The following PLCB3 variants were observed in gnomAD, a reference collection of about 807,000 sequenced individuals.
The protein encoded by PLCB3 is 1-phosphatidylinositol 4,5-bisphosphate phosphodiesterase beta-3.
A neutral mutation model predicts 152.1 loss-of-function variants in PLCB3; 54 were observed. The ratio of observed to expected loss-of-function variants is 0.36; its 90% CI spans 0.29 to 0.45. The LOEUF (loss-of-function observed/expected upper bound fraction) is 0.45. Ranked by LOEUF, PLCB3 falls within the 20% of genes least tolerant of loss-of-function variation. The probability of loss-of-function intolerance (pLI) is 1.00; values close to 1 mark genes in which losing one functional copy is unlikely to be tolerated. For synonymous variants in PLCB3, 717 were observed against 698.7 expected, an observed-to-expected ratio of 1.03 and a Z score of -0.41; for missense variants, 1,248 against 1,687.5, an observed-to-expected ratio of 0.74 and a Z score of 4.56.
chr11:64,262,750 C>A lies in PLCB3; in HGVS notation c.2297C>A (p.Thr766Asn). The change falls in exon 19 of 31, where the codon ACC becomes AAC. Residue 766 changes from threonine (T) to asparagine (N), a missense_variant. By Grantham distance (65) the Thr-to-Asn change is moderately conservative. Transcript: ENST00000279230. ...VDTRRKYRTR[T>N]SQGNSFNPVW... The stretch of plus-strand genomic sequence containing the variant: ...ACGCGGCGCAAGTACCGCACCCGGA[C>A]CTCTCAGGGGAACTCGTTCAACCCC... 6.2e-7 allele frequency: 1 copy of A among 1,613,884 alleles called. No homozygotes were observed. The highest frequency in any genetic ancestry group is 1.1e-5 in the South Asian group (1 of 91,084).
At chr11:64,261,864 G>C in intron 16 of PLCB3, 88 bp from the exon 17 acceptor site, 7 of 1,565,146 alleles carry the variant, frequency 4.5e-6, no homozygotes, top group South Asian at 1.1e-5. Flanking sequence ...CCGGGTGTGG[G>C]GGTCACAGGA....
At chr11:64,252,276 T>TC (rs1228162460) in intron 1 of PLCB3, among the ~76,000 whole-genome samples, 1 of 152,030 alleles carries the variant, frequency 6.6e-6, no homozygotes, top group East Asian at 1.9e-4. Flanking sequence ...CCAGCCCAGC[T>TC]CCCTGTTCAG....
At chr11:64,254,264 C>A in intron 1 of PLCB3, 151 bp from the exon 2 acceptor site, 2 of 693,392 alleles carry the variant, frequency 2.9e-6, no homozygotes, top group East Asian at 5.0e-5. Flanking sequence ...TTCTGAGGGC[C>A]ACAGGCAGCC....
In PLCB3 at chr11:64,260,160, G is replaced by A. The variant is rs1565334043; in HGVS notation, c.1657G>A (p.Ala553Thr). The change falls in exon 14 of 31, where the codon GCT becomes ACT. Residue 553 changes from alanine (A) to threonine (T), a missense_variant. By Grantham distance (58) the Ala-to-Thr change is moderately conservative. Around this residue, in one of 6 missense-constraint regions of PLCB3, gnomAD observed 105 missense variants for 100.9 expected, o/e 1.04. Transcript: ENST00000279230. ...CCGAGGCCCCTATGTTCTTGGACCT[G>A]CTGACCGTGAGGATGAGGAGGAAGA... ...LNRGPYVLGPADREDEEEDEE... is the reference protein window; with the variant it reads ...LNRGPYVLGPTDREDEEEDEE... 1.2e-6 allele frequency: 2 copies of A among 1,609,018 alleles called. No individual in the cohort carries two copies. Among genetic ancestry groups the A allele is most frequent in the Non-Finnish European group, 1.7e-6 (2 of 1,177,938 alleles).
rs201842672 is a variant in PLCB3, at chr11:64,260,095, G to T, written c.1592G>T (p.Ser531Ile). ...NGEEVGLEKP[S>I]LEPQKSLGDE... is the part of the protein sequence containing the mutation. ...GAGGAGGTAGGGCTTGAGAAGCCCA[G>T]CCTGGAGCCTCAGAAGTCTCTGGGT... The change falls in exon 14 of 31, where the codon AGC becomes ATC. Residue 531 changes from serine to isoleucine, a missense_variant. Ser to Ile is a moderately radical substitution (Grantham distance 142). Transcript: ENST00000279230. 5.8e-5 allele frequency: 93 copies of T among 1,612,164 alleles called. No individual in the cohort carries two copies. The highest frequency in any genetic ancestry group is 7.1e-5 in the Non-Finnish European group (84 of 1,179,432).
Position 64,258,817 on chromosome 11 carries a change from A to C in PLCB3, c.1254-68A>C. The C allele has an allele frequency of 6.2e-7, 1 of 1,606,288 alleles. No homozygotes were observed. The highest frequency in any genetic ancestry group is 1.1e-5 in the South Asian group (1 of 90,958). Reference sequence around the variant, plus strand: ...CCTCCAACCCTGCGAACGGCCACTGACATGTCCCGTAGACCTCAGCTTCCT... The same window carrying C: ...CCTCCAACCCTGCGAACGGCCACTGCCATGTCCCGTAGACCTCAGCTTCCT... On this transcript the variant is annotated intron_variant, in intron 11 of 30. Transcript: ENST00000279230. This position sits in a 1 kb window ranked among gnomAD's most constrained non-coding sequence, Gnocchi z 7.2.
rs1049285701 is a variant in PLCB3, at chr11:64,262,718, T to C, written c.2265T>C (p.Pro755=). The change falls in exon 19 of 31, where the codon CCT becomes CCC. Residue 755 remains proline (P), a synonymous_variant. Coordinates refer to ENST00000279230, the MANE Select transcript of PLCB3 (RefSeq NM_000932.5). Reference sequence around the variant, plus strand: ...TGGAGGTGGACATGTTTGGCCTCCCTGTTGATACGCGGCGCAAGTACCGCA... The same window carrying C: ...TGGAGGTGGACATGTTTGGCCTCCCCGTTGATACGCGGCGCAAGTACCGCA... ...IYVEVDMFGL[P]VDTRRKYRTR... The C allele has an allele frequency of 1.2e-5, 20 of 1,613,782 alleles. No individual in the cohort carries two copies. Among genetic ancestry groups the C allele is most frequent in the Non-Finnish European group, 1.7e-5 (20 of 1,180,004 alleles).
At chr11:64,269,370 G>A (rs1406073555), downstream of PLCB3, among the ~76,000 whole-genome samples, 1 of 152,222 alleles carries the variant, frequency 6.6e-6, no homozygotes, top group East Asian at 1.9e-4. Flanking sequence ...CGGGTTATAG[G>A]GGGCGCCAAT....
At position 64,256,476 on chromosome 11, in the gene PLCB3, C is replaced by G; in HGVS notation, c.799C>G (p.Leu267Val). The G allele has an allele frequency of 6.2e-7, 1 of 1,613,920 alleles. No homozygotes were observed. The highest frequency in any genetic ancestry group is 8.5e-7 in the Non-Finnish European group (1 of 1,180,028). ...ACTCAACGAAGTGCTGTACCCGCCC[C>G]TGCGGCCCTCCCAGGCCCGGCTGCT... ...PRLNEVLYPPLRPSQARLLIE... is the reference protein window; with the variant it reads ...PRLNEVLYPPVRPSQARLLIE... Residue 267 changes from leucine (L) to valine (V), a missense_variant, in exon 9 of 31, where the codon CTG (leucine) becomes GTG (valine). Physicochemically the swap from Leu to Val is conservative, Grantham distance 32. Transcript: ENST00000279230.
At chr11:64,256,304 A>T in intron 8 of PLCB3, 72 bp from the exon 9 acceptor site, 8 of 1,425,068 alleles carry the variant, frequency 5.6e-6, no homozygotes, top group Non-Finnish European at 7.7e-6. Context: ...TCCCTTGCCC[A>T]GGGCAAGGGC....
Position 64,267,121 on chromosome 11 carries a change from A to C in PLCB3, c.3415-64A>C. The C allele has an allele frequency of 6.9e-7, 1 of 1,448,970 alleles. No homozygotes were observed. The highest frequency in any genetic ancestry group is 1.2e-5 in the South Asian group (1 of 81,936). 89.8% of individuals were successfully genotyped at this position (1,448,970 alleles called of 1,614,324 possible). On this transcript the variant is annotated intron_variant, in intron 29 of 30. Coordinates refer to ENST00000279230, the MANE Select transcript of PLCB3 (RefSeq NM_000932.5). This position sits in a 1 kb window ranked among gnomAD's most constrained non-coding sequence, Gnocchi z 5.2. ...GCCCACCTGACTTCTATACCCAGCC[A>C]GAGCCTCGAGGCTCTAGCCCCTCCC...
In PLCB3 at chr11:64,267,889, A is replaced by AT. The variant is rs985491412; in HGVS notation, c.*341dup. 7.3e-5 allele frequency: 22 copies of AT among 303,344 alleles called. No homozygotes were observed. The highest frequency in any genetic ancestry group is 9.2e-5 in the Non-Finnish European group (15 of 163,800). 18.8% of individuals were successfully genotyped at this position (303,344 alleles called of 1,614,324 possible). On this transcript the variant is annotated 3_prime_UTR_variant, in exon 31 of 31. Transcript: ENST00000279230. The surrounding 1 kb of genome is among the most constrained non-coding windows in gnomAD (Gnocchi z 5.2). Reference sequence around the variant, plus strand: ...ACATTTTTTTCTCTATTCTTTGGGGATTTTTTTTACATGAATAAAAGTGGA... The same window carrying AT: ...ACATTTTTTTCTCTATTCTTTGGGGATTTTTTTTTACATGAATAAAAGTGGA...
chr11:64,269,346 A>C (rs1461133227), downstream of PLCB3, among the ~76,000 whole-genome samples: 1 of 152,216 alleles, frequency 6.6e-6, no homozygotes, highest in Non-Finnish European at 1.5e-5. Context: ...TGTGCCCGGC[A>C]CCAAGAACCG....
chr11:64,256,312 G>A, intron 8 of PLCB3, 64 bp from the exon 9 acceptor site: 1 of 1,510,122 alleles, frequency 6.6e-7, no homozygotes, highest in Non-Finnish European at 9.0e-7. Flanking sequence ...CCAGGGCAAG[G>A]GCTTGGCGAC....
rs2135069604 is a variant in PLCB3, at chr11:64,266,853, G to A, written c.3414+301G>A. On this transcript the variant is annotated intron_variant, in intron 29 of 30. Coordinates refer to ENST00000279230, the MANE Select transcript of PLCB3 (RefSeq NM_000932.5). This position sits in a 1 kb window ranked among gnomAD's most constrained non-coding sequence, Gnocchi z 4.9. ...CTCACTCTGTCGCCCAGGCTGGAGTGCAGTGGCGCGATCTTGGCTCACTGC... is the reference window on the plus strand; with the variant it reads ...CTCACTCTGTCGCCCAGGCTGGAGTACAGTGGCGCGATCTTGGCTCACTGC... Among the ~76,000 whole-genome samples, 1 of 152,030 alleles carries A rather than the reference G, an allele frequency of 6.6e-6. No homozygotes were observed. Among genetic ancestry groups the A allele is most frequent in the South Asian group, 2.1e-4 (1 of 4,820 alleles).
Position 64,261,606 on chromosome 11 carries a change from G to A in PLCB3, c.1854G>A (p.Ser618=), listed in dbSNP as rs138145158. ...ARKRNKCFEM[S]SFVETKAMEQ... ...AGAGGAACAAATGCTTCGAGATGTCGTCCTTTGTGGAGACCAAGGCCATGG... is the reference window on the plus strand; with the variant it reads ...AGAGGAACAAATGCTTCGAGATGTCATCCTTTGTGGAGACCAAGGCCATGG... The change falls in exon 16 of 31, where the codon TCG becomes TCA. Residue 618 remains serine (S), a synonymous_variant. Coordinates refer to ENST00000279230, the MANE Select transcript of PLCB3 (RefSeq NM_000932.5). 91 of 1,614,128 alleles carry A rather than the reference G, an allele frequency of 5.6e-5. 1 individual carries two copies. The Middle Eastern group carries it at 4.0e-3, about 70-fold the overall frequency.
chr11:64,264,820 A>G (rs1193116549), intron 22 of PLCB3, 131 bp from the exon 23 acceptor site: 3 of 772,896 alleles, frequency 3.9e-6, no homozygotes, highest in African/African-American at 3.4e-5. Flanking sequence ...CTCCTGTTAC[A>G]GAGCAGTCCA....
chr11:64,256,276 A>C, intron 8 of PLCB3, 100 bp from the exon 9 acceptor site: 1 of 1,077,414 alleles, frequency 9.3e-7, no homozygotes, highest in Non-Finnish European at 1.3e-6. Context: ...TGCCAGATCC[A>C]GGGGCAGGCC....
chr11:64,267,099 C>A lies in PLCB3; in HGVS notation c.3415-86C>A. ...GTGAGCCACTGCACCCGGCCTCGCC[C>A]ACCTGACTTCTATACCCAGCCAGAG... is the stretch of plus-strand genomic sequence containing the variant. On this transcript the variant is annotated intron_variant, in intron 29 of 30. Transcript: ENST00000279230. The surrounding 1 kb of genome is among the most constrained non-coding windows in gnomAD (Gnocchi z 5.2). The A allele has an allele frequency of 1.6e-6, 2 of 1,242,756 alleles. No individual in the cohort carries two copies. The highest frequency in any genetic ancestry group is 2.3e-6 in the Non-Finnish European group (2 of 870,846). The allele number at this position is 1,242,756 out of a possible 1,614,324, so 77.0% of individuals were successfully genotyped here.
Sources: allele counts gnomAD v4.1 joint callset (sites outside exome capture counted in the v4.1 genomes callset), GRCh38; gene constraint gnomAD v4.1.1; regional missense constraint gnomAD v4.1.1; non-coding constraint Gnocchi (gnomAD v3.1); transcripts MANE v1.5; gene names NCBI Gene and HGNC (gene_info 2026-07-23, HGNC 2026-07-21).